Variants in SP140 observed in about 807,000 individuals in gnomAD.
SP140 encodes nuclear body protein SP140.
In SP140, 81 loss-of-function variants were observed where a neutral mutation model predicts 125.0. The observed-to-expected ratio is 0.65, with a 90% confidence interval of 0.54 to 0.78. The LOEUF is 0.78. SP140 is among the 30% of genes least tolerant of loss of function. The probability of loss-of-function intolerance (pLI) is 0.00; values close to 1 mark genes in which losing one functional copy is unlikely to be tolerated. For missense variants in SP140, 858 were observed against 1,037.0 expected, an observed-to-expected ratio of 0.83 and a Z score of 2.37; for synonymous variants, 312 against 354.0, an observed-to-expected ratio of 0.88 and a Z score of 1.33.
At chr2:230,231,689 G>C (rs149946392) in intron 1 of SP140, among the ~76,000 whole-genome samples, 1 of 152,172 alleles carries the variant, frequency 6.6e-6, no homozygotes, top group Admixed American at 6.5e-5. Context: ...ACTTTTAAAA[G>C]AATTTCTCCC....
upstream of SP140, chr2:230,202,452 C>T (rs2043276417): frequency 2.4e-6 from 2 of 826,990 alleles, no homozygotes; most frequent in South Asian, 1.6e-5. Context: ...TGTTATACCC[C>T]ATCCTCATTC....
rs539668798 is a variant in SP140 at position 230,306,637 on chromosome 2, G to A, written c.2059-3287G>A. 1.8e-3 allele frequency among the ~76,000 whole-genome samples: 278 copies of A among 152,368 alleles called. 3 individuals are homozygous for A. The highest frequency in any genetic ancestry group is 6.4e-3 in the African/African-American group (266 of 41,586). On this transcript the variant is annotated intron_variant, in intron 22 of 26. Coordinates refer to ENST00000392045, the MANE Select transcript of SP140 (RefSeq NM_007237.5). Reference sequence around the variant, plus strand: ...GCAATCTTGGAGCAGGGTTGGGGCTGAGCCCAGGTGCAGTTGCAGCCCTGT... The same window carrying A: ...GCAATCTTGGAGCAGGGTTGGGGCTAAGCCCAGGTGCAGTTGCAGCCCTGT...
At chr2:230,189,384 CT>C in the SP140 span, among the ~76,000 whole-genome samples, 1 of 152,064 alleles carries the variant, frequency 6.6e-6, no homozygotes, top group Non-Finnish European at 1.5e-5. Context: ...ATTTATGTCA[CT>C]GTTACCATTC....
chr2:230,213,033 A>T (rs748232014), intron 1 of SP140: 1 of 1,613,634 alleles, frequency 6.2e-7, no homozygotes, highest in Non-Finnish European at 8.5e-7. Flanking sequence ...ACCAACTGGG[A>T]TTGGTGAAGG....
chr2:230,309,926 G>C lies in SP140; in HGVS notation c.2061G>C (p.Met687Ile). Residue 687 changes from methionine to isoleucine, a missense_variant and splice_region_variant, in exon 23 of 27, where the codon ATG (methionine) becomes ATC (isoleucine). Physicochemically the swap from Met to Ile is conservative, Grantham distance 10. Coordinates refer to ENST00000392045, the MANE Select transcript of SP140 (RefSeq NM_007237.5). Reference sequence around the variant, plus strand: ...GTGGACACTGTTTTATCTTCTAGATGAGAAACCTGGATGAGTGTGAGGTGT... The same window carrying C: ...GTGGACACTGTTTTATCTTCTAGATCAGAAACCTGGATGAGTGTGAGGTGT... ...SQNNSSVDPC[M>I]RNLDECEVCR... 6.2e-7 allele frequency: 1 copy of C among 1,613,664 alleles called. No individual in the cohort carries two copies. The highest frequency in any genetic ancestry group is 8.5e-7 in the Non-Finnish European group (1 of 1,180,012).
intron 15 of SP140, among the ~76,000 whole-genome samples, chr2:230,278,948 C>A (rs2055120884): frequency 6.6e-6 from 1 of 152,094 alleles, no homozygotes; most frequent in African/African-American, 2.4e-5. Context: ...ACCCTATAGA[C>A]TCCATCAAAA....
At chr2:230,191,264 A>G in the SP140 span, among the ~76,000 whole-genome samples, 1 of 152,152 alleles carries the variant, frequency 6.6e-6, no homozygotes, top group African/African-American at 2.4e-5. Context: ...TCCAAAAGCT[A>G]GCAGAAGACA....
the SP140 span, among the ~76,000 whole-genome samples, chr2:230,196,041 G>C: frequency 1.3e-5 from 2 of 152,108 alleles, no homozygotes; most frequent in Non-Finnish European, 2.9e-5. Flanking sequence ...GGATGTTAAG[G>C]ATACCTAAAC....
chr2:230,211,665 C>T lies in SP140; in HGVS notation c.-322-1989C>T, dbSNP rs1362281681. On this transcript the variant is annotated intron_variant, in intron 1 of 4. Transcript: ENST00000456542. The surrounding 1 kb of genome is among the most constrained non-coding windows in gnomAD (Gnocchi z 4.2). Reference sequence around the variant, plus strand: ...AGTAAAAATGACGGGGTAACAGCAACCAAGGCCTGGGAAAGGATGGCATAG... The same window carrying T: ...AGTAAAAATGACGGGGTAACAGCAATCAAGGCCTGGGAAAGGATGGCATAG... 1 of 745,340 alleles carries T rather than the reference C, an allele frequency of 1.3e-6. No homozygotes were observed. Among genetic ancestry groups the T allele is most frequent in the African/African-American group, 1.7e-5 (1 of 58,352 alleles). 46.2% of individuals were successfully genotyped at this position (745,340 alleles called of 1,614,324 possible).
rs200722386 is a variant in SP140, at chr2:230,255,424, C to T, written c.1160-28C>T. 19 of 1,612,006 alleles carry T rather than the reference C, an allele frequency of 1.2e-5. No homozygotes were observed. In the East Asian group the frequency reaches 4.0e-4, roughly 34 times the overall value. On this transcript the variant is annotated intron_variant, in intron 11 of 26. Coordinates refer to ENST00000392045, the MANE Select transcript of SP140 (RefSeq NM_007237.5). ...TTTTTTGTTGGTTGTATACTGAGAC[C>T]TCTGAGGGATTTCCTTCCTTTCTGC... is the stretch of plus-strand genomic sequence containing the variant.
In SP140 at chr2:230,269,588, G is replaced by A. The variant is rs761584421; in HGVS notation, c.1297G>A (p.Ala433Thr). ...TGAAGAAGGAGAATCAGAAGAGCTT[G>A]CTTCTAGCCTGCTATATGATAATGT... ...MNEEGESEEL[A>T]SSLLYDNVPG... Residue 433 changes from alanine to threonine, a missense_variant, in exon 13 of 27, where the codon GCT (alanine) becomes ACT (threonine). Ala to Thr is a moderately conservative substitution (Grantham distance 58, BLOSUM62 0). Coordinates refer to ENST00000392045, the MANE Select transcript of SP140 (RefSeq NM_007237.5). The A allele has an allele frequency of 3.1e-6, 5 of 1,598,370 alleles. No homozygotes were observed. The highest frequency in any genetic ancestry group is 4.3e-6 in the Non-Finnish European group (5 of 1,170,290).
At position 230,237,864 on chromosome 2, in the gene SP140, G is replaced by C. The variant is rs1196562092; in HGVS notation, c.238-349G>C. Among the ~76,000 whole-genome samples, 1 of 152,154 alleles carries C rather than the reference G, an allele frequency of 6.6e-6. No individual in the cohort carries two copies. The highest frequency in any genetic ancestry group is 1.5e-5 in the Non-Finnish European group (1 of 68,014). On this transcript the variant is annotated intron_variant, in intron 2 of 26. Coordinates refer to ENST00000392045, the MANE Select transcript of SP140 (RefSeq NM_007237.5). This position sits in a 1 kb window ranked among gnomAD's most constrained non-coding sequence, Gnocchi z 5.4. ...CTGGTTGATTGGTTTCCTGGAGCTC[G>C]TCAGGCCAGGCCAATCCTAGTAGTG...
chr2:230,210,115 G>A (rs901982108), intron 1 of SP140: 3 of 789,890 alleles, frequency 3.8e-6, no homozygotes, highest in Non-Finnish European at 6.8e-6. Flanking sequence ...TGCAGCCCAG[G>A]GCCGGGAATC....
chr2:230,207,944 C>T, intron 1 of SP140: 1 of 905,636 alleles, frequency 1.1e-6, no homozygotes, highest in Non-Finnish European at 1.8e-6. Context: ...ACAAGCCCTG[C>T]ATGAGCTGTT....
intron 11 of SP140, among the ~76,000 whole-genome samples, chr2:230,254,866 G>T (rs764294668): frequency 3.9e-5 from 6 of 152,148 alleles, no homozygotes; most frequent in Non-Finnish European, 7.3e-5. Flanking sequence ...GAGCTGCAAT[G>T]ATCTGATCTT....
At chr2:230,231,782 C>T (rs1233329526) in intron 1 of SP140, among the ~76,000 whole-genome samples, 2 of 152,052 alleles carry the variant, frequency 1.3e-5, no homozygotes, top group East Asian at 3.9e-4. Context: ...TCTCGGCTCA[C>T]TGCAACTTCT....
At chr2:230,261,846 T>C (rs2052311790) in intron 12 of SP140, among the ~76,000 whole-genome samples, 1 of 152,212 alleles carries the variant, frequency 6.6e-6, no homozygotes, top group African/African-American at 2.4e-5. Context: ...GTTGTTGGAT[T>C]CAGTTGGCAA....
upstream of SP140, among the ~76,000 whole-genome samples, chr2:230,198,133 C>T (rs66715157): frequency 3.3e-3 from 506 of 152,266 alleles, 4 homozygotes; most frequent in African/African-American, 0.012. Context: ...TGGAAGTCCT[C>T]TGTAGGGCCC....
intron 3 of SP140, among the ~76,000 whole-genome samples, chr2:230,240,812 A>G (rs1162242116): frequency 6.6e-6 from 1 of 152,206 alleles, no homozygotes; most frequent in Non-Finnish European, 1.5e-5. Flanking sequence ...AGGTATTTAC[A>G]TGAGAGAAAT....
Sources: allele counts gnomAD v4.1 joint callset (sites outside exome capture counted in the v4.1 genomes callset), GRCh38; gene constraint gnomAD v4.1.1; non-coding constraint Gnocchi (gnomAD v3.1); transcripts MANE v1.5; gene names NCBI Gene and HGNC (gene_info 2026-07-23, HGNC 2026-07-21).